RERE: variants seen among roughly 807,000 people sequenced by gnomAD.
RERE encodes the protein arginine-glutamic acid dipeptide repeats.
Under a neutral mutation model 146.1 loss-of-function variants are expected in RERE, and 40 were observed. That is an observed-to-expected ratio of 0.27 (90% CI 0.21 to 0.36). The LOEUF (loss-of-function observed/expected upper bound fraction) is 0.36, where lower values mean the gene tolerates loss of function less well. RERE is among the 10% of genes least tolerant of loss of function. RERE has a pLI of 1.00. For synonymous variants in RERE, 1,003 were observed against 866.0 expected, an observed-to-expected ratio of 1.16 and a Z score of -2.78; for missense variants, 1,933 against 2,138.7, an observed-to-expected ratio of 0.90 and a Z score of 1.90.
intron 12 of RERE, among the ~76,000 whole-genome samples, chr1:8,406,184 A>G (rs1049571085): frequency 2.6e-5 from 4 of 151,874 alleles, no homozygotes; most frequent in African/African-American, 9.7e-5. Context: ...TACGGCCTCA[A>G]CCTCCTGGGT....
chr1:8,620,830 G>C (rs939553085), intron 3 of RERE, among the ~76,000 whole-genome samples: 5 of 151,434 alleles, frequency 3.3e-5, no homozygotes, highest in Non-Finnish European at 7.4e-5. Flanking sequence ...TAAATACTTT[G>C]GTCAGCGCAT....
At chr1:8,806,376 C>T (rs1226018014) in intron 1 of RERE, among the ~76,000 whole-genome samples, 2 of 151,910 alleles carry the variant, frequency 1.3e-5, no homozygotes, top group Admixed American at 1.3e-4. Context: ...ACTAAAAATA[C>T]AAAATTTAGC....
chr1:8,501,031 AGG>A lies in RERE; in HGVS notation c.880-3504_880-3503del, dbSNP rs1242373220. 3.5e-3 allele frequency among the ~76,000 whole-genome samples: 126 copies of A among 36,268 alleles called. 4 individuals carry two copies. The highest frequency in any genetic ancestry group is 0.011 in the African/African-American group (108 of 9,540). 23.8% of individuals were successfully genotyped at this position (36,268 alleles called of 152,430 possible). On this transcript the variant is annotated intron_variant, in intron 8 of 22. Transcript: ENST00000400908. ...CCGCCCGGCAGCCACCCCGTCCGGG[AGG>A]GGGGGGGGGGGTCAGCCCCCCGCCC...
At chr1:8,452,585 G>C (rs1239293345) in intron 11 of RERE, among the ~76,000 whole-genome samples, 1 of 152,100 alleles carries the variant, frequency 6.6e-6, no homozygotes, top group African/African-American at 2.4e-5. Flanking sequence ...AAAGTCACTT[G>C]AATAATAGAA....
intron 7 of RERE, among the ~76,000 whole-genome samples, chr1:8,517,760 A>G (rs756250116): frequency 2.0e-5 from 3 of 152,226 alleles, no homozygotes; most frequent in Non-Finnish European, 4.4e-5. Flanking sequence ...CTACAACTTA[A>G]TATTTCAGTC....
intron 12 of RERE, among the ~76,000 whole-genome samples, chr1:8,400,222 A>ATATGTGTGTGTG (rs368219880): frequency 0.095 from 13,306 of 139,970 alleles, 729 homozygotes; most frequent in Admixed American, 0.15. Context: ...CCTGTGTCAT[A>ATATGTGTGTGTG]TGTGTGTGTG....
intron 3 of RERE, among the ~76,000 whole-genome samples, chr1:8,621,207 C>T (rs1646912009): frequency 6.6e-6 from 1 of 152,126 alleles, no homozygotes; most frequent in Non-Finnish European, 1.5e-5. Context: ...AGACAGGGAT[C>T]AGGACATAGA....
In RERE at chr1:8,460,992, C is replaced by T. The variant is rs575581221; in HGVS notation, c.1203+4933G>A. ...TGCTAATTAAGAGCACAGCATCAAG[C>T]GGCAACGGAATCCCAGTGCAATAAG... On this transcript the variant is annotated intron_variant, in intron 11 of 22. Coordinates refer to ENST00000400908, the MANE Select transcript of RERE (RefSeq NM_001042681.2). 1.1e-4 allele frequency among the ~76,000 whole-genome samples: 16 copies of T among 152,218 alleles called. No homozygotes were observed. In the East Asian group the frequency reaches 2.7e-3, roughly 26 times the overall value.
At chr1:8,552,127 G>T (rs1645943136) in intron 6 of RERE, among the ~76,000 whole-genome samples, 2 of 152,170 alleles carry the variant, frequency 1.3e-5, no homozygotes, top group Non-Finnish European at 2.9e-5. Flanking sequence ...TTTTCTTATA[G>T]GAAGAAACTC....
intron 2 of RERE, among the ~76,000 whole-genome samples, chr1:8,639,446 G>T (rs1647146509): frequency 6.6e-6 from 1 of 152,104 alleles, no homozygotes; most frequent in African/African-American, 2.4e-5. Context: ...AAATCATTCT[G>T]GTTTATAACC....
chr1:8,704,714 C>G (rs1398356658), intron 1 of RERE, among the ~76,000 whole-genome samples: 4 of 152,364 alleles, frequency 2.6e-5, no homozygotes, highest in African/African-American at 9.6e-5. Flanking sequence ...CTCTGCTGGT[C>G]TCTCTTTAAA....
At chr1:8,794,253 G>C (rs1316885773) in intron 1 of RERE, among the ~76,000 whole-genome samples, 2 of 147,720 alleles carry the variant, frequency 1.4e-5, no homozygotes, top group Non-Finnish European at 3.0e-5. Flanking sequence ...CAAAAGTAAA[G>C]TCCCAGCTAC....
chr1:8,366,932 A>AG (rs770860160), intron 12 of RERE, among the ~76,000 whole-genome samples: 1 of 150,156 alleles, frequency 6.7e-6, no homozygotes, highest in Non-Finnish European at 1.5e-5. Flanking sequence ...AAAAAAACAA[A>AG]AAAAAAAAAC....
chr1:8,546,090 C>T (rs1383191193), intron 6 of RERE, among the ~76,000 whole-genome samples: 1 of 141,022 alleles, frequency 7.1e-6, no homozygotes, highest in East Asian at 2.2e-4. Flanking sequence ...CCCAGGCTCA[C>T]GTGATTCTTC....
intron 11 of RERE, among the ~76,000 whole-genome samples, chr1:8,448,896 CTT>C (rs886074686): frequency 6.6e-6 from 1 of 151,986 alleles, no homozygotes; most frequent in Non-Finnish European, 1.5e-5. Flanking sequence ...ACCAGAATTT[CTT>C]GTTTTTGAAA....
At chr1:8,613,848 G>T (rs1237107623) in intron 4 of RERE, among the ~76,000 whole-genome samples, 1 of 151,340 alleles carries the variant, frequency 6.6e-6, no homozygotes, top group African/African-American at 2.4e-5. Context: ...ACCATTACAG[G>T]AAAAAAAAGG....
At chr1:8,374,797 T>G (rs147503804) in intron 12 of RERE, among the ~76,000 whole-genome samples, 87 of 152,332 alleles carry the variant, frequency 5.7e-4, no homozygotes, top group African/African-American at 2.0e-3. Context: ...GGCCTTTGGC[T>G]TATGTCAAAC....
At chr1:8,600,900 G>A (rs1053721911) in intron 4 of RERE, among the ~76,000 whole-genome samples, 7 of 151,380 alleles carry the variant, frequency 4.6e-5, no homozygotes, top group Admixed American at 6.6e-5. Flanking sequence ...GACTACAGGT[G>A]CCCGCCACCA....
chr1:8,489,683 C>A (rs1052105148), intron 10 of RERE, among the ~76,000 whole-genome samples: 3 of 152,030 alleles, frequency 2.0e-5, no homozygotes, highest in African/African-American at 7.2e-5. Context: ...ACTGACAACA[C>A]CAAGTCTTGG....
Sources: gnomAD v4.1 joint callset for allele counts (sites outside exome capture counted in the v4.1 genomes callset) on GRCh38, gnomAD v4.1.1 for gene constraint, MANE v1.5 for transcripts, NCBI Gene and HGNC (gene_info 2026-07-23, HGNC 2026-07-21) for gene names.